The following PLD5 variants were observed in gnomAD, a reference collection of about 807,000 sequenced individuals.
PLD5 encodes the protein inactive phospholipase D5.
PLD5 carries 36 observed loss-of-function variants against 61.1 expected under a neutral mutation model. The observed-to-expected ratio is 0.59, with a 90% CI of 0.45 to 0.78. The LOEUF (loss-of-function observed/expected upper bound fraction) is 0.78. PLD5 is among the 30% of genes least tolerant of loss of function. The pLI is 0.00. For synonymous variants in PLD5, 243 were observed against 242.8 expected, an observed-to-expected ratio of 1.00 and a Z score of -0.01; for missense variants, 515 against 644.4, an observed-to-expected ratio of 0.80 and a Z score of 2.17.
At chr1:242,144,309 C>T (rs1030233333) in intron 5 of PLD5, among the ~76,000 whole-genome samples, 4 of 151,860 alleles carry the variant, frequency 2.6e-5, no homozygotes, top group African/African-American at 9.7e-5. Flanking sequence ...TGGGTTGGCC[C>T]TCACACCATA....
intron 1 of PLD5, among the ~76,000 whole-genome samples, chr1:242,433,646 T>G (rs1316612694): frequency 6.6e-6 from 1 of 152,174 alleles, no homozygotes; most frequent in African/African-American, 2.4e-5. Context: ...AAGCTAATGC[T>G]TAGTAGAGGG....
chr1:242,171,039 C>T (rs1023237920), intron 5 of PLD5, among the ~76,000 whole-genome samples: 3 of 152,078 alleles, frequency 2.0e-5, no homozygotes, highest in South Asian at 2.1e-4. Flanking sequence ...ATACAGAGAA[C>T]ACCACAAAGA....
intron 9 of PLD5, among the ~76,000 whole-genome samples, chr1:242,098,939 C>A (rs1489801104): frequency 6.6e-6 from 1 of 152,050 alleles, no homozygotes; most frequent in African/African-American, 2.4e-5. Context: ...CAGAGGAGTA[C>A]CCCACCGTGT....
rs147981905 is a variant in PLD5, at chr1:242,140,319, A to G, written c.736-15654T>C. On this transcript the variant is annotated intron_variant, in intron 5 of 9. Transcript: ENST00000536534. ...GAGTTCCTGCTGCTTTCAGCTGAAC[A>G]TATTATATCCCAAAACCTTGCTATG... Among the ~76,000 whole-genome samples, 6 of 152,316 alleles carry G rather than the reference A, an allele frequency of 3.9e-5. No homozygotes were observed. The East Asian group carries it at 9.6e-4, about 24-fold the overall frequency.
chr1:242,217,052 A>T (rs974987086), intron 5 of PLD5, among the ~76,000 whole-genome samples: 1 of 152,222 alleles, frequency 6.6e-6, no homozygotes, highest in Non-Finnish European at 1.5e-5. Flanking sequence ...GTTGAGACCT[A>T]CTGCTCAGAA....
chr1:242,329,010 T>G (rs1213830312), intron 2 of PLD5, among the ~76,000 whole-genome samples: 1 of 44,556 alleles, frequency 2.2e-5, no homozygotes, highest in Non-Finnish European at 4.7e-5. Flanking sequence ...TTTGTTTTAT[T>G]TATTTATTAT....
At chr1:242,125,718 T>C (rs958040000) in intron 5 of PLD5, among the ~76,000 whole-genome samples, 4 of 152,138 alleles carry the variant, frequency 2.6e-5, no homozygotes, top group African/African-American at 9.7e-5. Context: ...AACTCCCTTT[T>C]TATCCCTTCC....
intron 5 of PLD5, among the ~76,000 whole-genome samples, chr1:242,158,874 G>A (rs780929474): frequency 3.9e-5 from 6 of 152,064 alleles, no homozygotes; most frequent in Admixed American, 1.3e-4. Context: ...CTCTACTGAC[G>A]AACCTATTGA....
Position 242,089,297 on chromosome 1 carries a change from T to C in PLD5, c.*557A>G, listed in dbSNP as rs958962731. On this transcript the variant is annotated 3_prime_UTR_variant, in exon 10 of 10. Coordinates refer to ENST00000536534, the MANE Select transcript of PLD5 (RefSeq NM_001372062.1). ...AAATGATACCAAATAAAACTTATGG[T>C]ATAAGAAGAAAATGAGCAAGACAGA... 1.3e-5 allele frequency: 5 copies of C among 399,268 alleles called. No homozygotes were observed. The highest frequency in any genetic ancestry group is 1.8e-5 in the Non-Finnish European group (4 of 226,700). The allele number at this position is 399,268 out of a possible 1,614,324, so 24.7% of individuals were successfully genotyped here.
At chr1:242,111,146 G>T (rs988928147) in intron 7 of PLD5, among the ~76,000 whole-genome samples, 10 of 151,384 alleles carry the variant, frequency 6.6e-5, no homozygotes, top group African/African-American at 2.4e-4. Flanking sequence ...AACCTTGGCT[G>T]TCGAGGTTCA....
At position 242,225,847 on chromosome 1, in the gene PLD5, T is replaced by C. The variant is rs1351969140; in HGVS notation, c.608-5732A>G. Among the ~76,000 whole-genome samples the C allele has an allele frequency of 2.0e-5, 3 of 152,260 alleles. No individual in the cohort carries two copies. The South Asian group carries it at 6.2e-4, about 31-fold the overall frequency. ...TAAAGCTGCCGCAAACACTCATGCA[T>C]ACATTTTTGCAAGAATGTAGTTTTC... On this transcript the variant is annotated intron_variant, in intron 4 of 9. Coordinates refer to ENST00000536534, the MANE Select transcript of PLD5 (RefSeq NM_001372062.1).
At chr1:242,375,571 A>G (rs1661901421) in intron 1 of PLD5, among the ~76,000 whole-genome samples, 1 of 152,230 alleles carries the variant, frequency 6.6e-6, no homozygotes, top group Admixed American at 6.5e-5. Flanking sequence ...ACAGTATATC[A>G]TGCAAGTATC....
chr1:242,207,816 T>TATATATATTTA (rs1558343822), intron 5 of PLD5, among the ~76,000 whole-genome samples: 8 of 39,098 alleles, frequency 2.0e-4, no homozygotes, highest in Admixed American at 3.6e-4. Flanking sequence ...ATATTTATAT[T>TATATATATTTA]TATATATTTA....
intron 5 of PLD5, among the ~76,000 whole-genome samples, chr1:242,153,678 T>C (rs978370585): frequency 6.6e-6 from 1 of 152,206 alleles, no homozygotes; most frequent in Non-Finnish European, 1.5e-5. Flanking sequence ...TGTGGTATTA[T>C]TTCTGAGGCC....
chr1:242,268,428 A>G (rs1302245228), intron 3 of PLD5, among the ~76,000 whole-genome samples: 3 of 152,158 alleles, frequency 2.0e-5, no homozygotes, highest in Non-Finnish European at 4.4e-5. Context: ...ACTTATCTGT[A>G]TTTCTGGCTC....
chr1:242,217,595 G>A (rs1166302015), intron 5 of PLD5, among the ~76,000 whole-genome samples: 1 of 152,206 alleles, frequency 6.6e-6, no homozygotes. Context: ...TAGCCTGGGC[G>A]ACAAGAGCAG....
rs977062041 is a variant in PLD5, at chr1:242,083,778, A to G, written c.*6076T>C. 2.0e-5 allele frequency: 3 copies of G among 152,204 alleles called. No individual in the cohort carries two copies. The highest frequency in any genetic ancestry group is 2.9e-5 in the Non-Finnish European group (2 of 68,032). The allele number at this position is 152,204 out of a possible 1,614,324, so 9.4% of individuals were successfully genotyped here. ...GATCATATTTTCTGAGTTGTCTTTA[A>G]AGATCTTCATCCTCTATTTATATTG... On this transcript the variant is annotated 3_prime_UTR_variant, in exon 10 of 10. Transcript: ENST00000536534.
At chr1:242,511,813 G>T (rs1668918724) in intron 1 of PLD5, among the ~76,000 whole-genome samples, 2 of 152,190 alleles carry the variant, frequency 1.3e-5, no homozygotes, top group South Asian at 4.1e-4. Context: ...TTCAAATAAA[G>T]TGTGGAGTTG....
At chr1:242,500,474 C>G (rs777369162) in intron 1 of PLD5, among the ~76,000 whole-genome samples, 12 of 152,136 alleles carry the variant, frequency 7.9e-5, no homozygotes, top group Non-Finnish European at 1.2e-4. Flanking sequence ...AAATAATTTG[C>G]TAAGATACAG....
Sources: gnomAD v4.1 joint callset for allele counts (sites outside exome capture counted in the v4.1 genomes callset) on GRCh38, gnomAD v4.1.1 for gene constraint, MANE v1.5 for transcripts, NCBI Gene and HGNC (gene_info 2026-07-23, HGNC 2026-07-21) for gene names.